CHST7: variants seen among roughly 807,000 people sequenced by gnomAD.
The protein encoded by CHST7 is N-acetylglucosamine 6-O-sulfotransferase 4.
CHST7 carries 5 observed loss-of-function variants against 9.0 expected under a neutral mutation model. That is an observed-to-expected ratio of 0.56 (90% CI 0.29 to 1.17). The LOEUF (loss-of-function observed/expected upper bound fraction) is 1.17, where lower values mean the gene tolerates loss of function less well. Among genes scored for constraint, CHST7 ranks in the 50% most tolerant of loss-of-function variants. CHST7 has a pLI of 0.08. For missense variants in CHST7, 377 were observed against 485.1 expected (o/e 0.78, Z 2.09); for synonymous variants, 244 against 237.1 (o/e 1.03, Z -0.27).
At chrX:46,584,529 C>T (rs1297184682) in intron 1 of CHST7, among the ~76,000 whole-genome samples, 4 of 50,729 alleles carry the variant, frequency 7.9e-5, no homozygotes, top group African/African-American at 5.4e-4. Context: ...AACAGTGAAA[C>T]TGTCTCAAAA....
chrX:46,580,249 G>A (rs1187505915), intron 1 of CHST7, among the ~76,000 whole-genome samples: 1 of 110,165 alleles, frequency 9.1e-6, no homozygotes, highest in African/African-American at 3.3e-5. Flanking sequence ...TAGTAAAGAC[G>A]GGGTTTCACC....
At chrX:46,592,578 G>T (rs1942577881) in intron 1 of CHST7, among the ~76,000 whole-genome samples, 1 of 111,758 alleles carries the variant, frequency 8.9e-6, no homozygotes, top group Non-Finnish European at 1.9e-5. Context: ...GGCCAGGCTG[G>T]TCTCGAACTC....
At chrX:46,590,701 G>C (rs910531554) in intron 1 of CHST7, among the ~76,000 whole-genome samples, 1 of 111,631 alleles carries the variant, frequency 9.0e-6, no homozygotes, top group East Asian at 2.8e-4. Context: ...CAGTTTTTAC[G>C]TGTACTCATT....
chrX:46,582,135 A>G (rs939773295), intron 1 of CHST7, among the ~76,000 whole-genome samples: 9 of 111,456 alleles, frequency 8.1e-5, no homozygotes, highest in African/African-American at 2.9e-4. Flanking sequence ...ATTGTATTTC[A>G]TGGTAGGAAT....
chrX:46,576,558 A>G (rs751252863), intron 1 of CHST7, among the ~76,000 whole-genome samples: 16 of 111,478 alleles, frequency 1.4e-4, no homozygotes, highest in African/African-American at 5.2e-4. Flanking sequence ...TTTGTTCTGC[A>G]CAGTGCTGAC....
intron 1 of CHST7, among the ~76,000 whole-genome samples, chrX:46,595,229 T>C (rs1942588442): frequency 8.8e-6 from 1 of 113,070 alleles, no homozygotes; most frequent in Non-Finnish European, 1.9e-5. Context: ...ATCTGTGTCA[T>C]CTCAGTGTTG....
chrX:46,574,010 C>T lies in CHST7; in HGVS notation c.79C>T (p.Leu27Phe). The stretch of plus-strand genomic sequence containing the variant: ...GGTGCTGTACACGCTGGTGCTGTTG[C>T]TCGTCCCCTCCGTATTGGACGGCGG... Reference protein sequence around the residue: ...LLVLYTLVLLLVPSVLDGGRD... With the variant: ...LLVLYTLVLLFVPSVLDGGRD... Residue 27 changes from leucine to phenylalanine, a missense_variant, in exon 1 of 2, where the codon CTC becomes TTC. This residue lies in a region of CHST7 where 239 missense variants were observed against 325.7 expected (regional missense o/e 0.73). Transcript: ENST00000276055. 8.6e-7 allele frequency: 1 copy of T among 1,160,520 alleles called. No homozygotes were observed.
At position 46,574,870 on chromosome X, in the gene CHST7, T is replaced by C. The variant is rs891937239; in HGVS notation, c.939T>C (p.Arg313=). The C allele has an allele frequency of 2.6e-6, 3 of 1,171,460 alleles. No homozygotes were observed. The Admixed American group carries it at 7.4e-5, about 29-fold the overall frequency. ...RTRQRGDRFH[R]VLLAHGVGAR... ...GCCAGAGGGGCGACCGCTTCCACCG[T>C]GTGCTGCTGGCGCACGGCGTGGGTG... The change falls in exon 1 of 2, where the codon CGT becomes CGC. Residue 313 remains arginine (R), a synonymous_variant. Coordinates refer to ENST00000276055, the MANE Select transcript of CHST7 (RefSeq NM_019886.4).
chrX:46,590,378 A>G (rs1442217743), intron 1 of CHST7, among the ~76,000 whole-genome samples: 1 of 110,139 alleles, frequency 9.1e-6, no homozygotes, highest in African/African-American at 3.3e-5. Flanking sequence ...GGAATTCAAG[A>G]CCAGCCTAGG....
chrX:46,598,260 C>A lies in CHST7; in HGVS notation c.*532C>A, dbSNP rs957546879. 8.9e-6 allele frequency: 1 copy of A among 112,344 alleles called. No individual in the cohort carries two copies. The highest frequency in any genetic ancestry group is 3.2e-5 in the African/African-American group (1 of 30,883). 9.3% of individuals were successfully genotyped at this position (112,344 alleles called of 1,213,427 possible). A position where few individuals can be genotyped will look rare whatever the true frequency, so the allele number is the denominator to read the frequency against. On this transcript the variant is annotated 3_prime_UTR_variant, in exon 2 of 2. Transcript: ENST00000276055. ...TTCAAATAGCTCCGTCTCCCTCTAC[C>A]CAGAACTGATTTTTAAAAAGAAGTA... is the stretch of plus-strand genomic sequence containing the variant.
At chrX:46,585,199 C>A (rs1942542763) in intron 1 of CHST7, among the ~76,000 whole-genome samples, 1 of 110,729 alleles carries the variant, frequency 9.0e-6, no homozygotes, top group Admixed American at 9.6e-5. Flanking sequence ...TTTTCAGGGT[C>A]TGCACATAAC....
chrX:46,589,423 A>ATG (rs1942563689), intron 1 of CHST7, among the ~76,000 whole-genome samples: 1 of 109,941 alleles, frequency 9.1e-6, no homozygotes, highest in Non-Finnish European at 1.9e-5. Context: ...GGTGGCAGGC[A>ATG]CCTGTAATCC....
chrX:46,590,022 G>T (rs983548235), intron 1 of CHST7, among the ~76,000 whole-genome samples: 4 of 111,828 alleles, frequency 3.6e-5, no homozygotes, highest in African/African-American at 1.3e-4. Context: ...AGCCTTTTGG[G>T]TAGATACAAA....
intron 1 of CHST7, among the ~76,000 whole-genome samples, chrX:46,582,811 G>T (rs1037161565): frequency 1.8e-5 from 2 of 111,145 alleles, no homozygotes; most frequent in African/African-American, 6.5e-5. Flanking sequence ...GGGGAAATTA[G>T]GCTGATTTTA....
At chrX:46,583,690 G>T (rs188999630) in intron 1 of CHST7, among the ~76,000 whole-genome samples, 6 of 112,430 alleles carry the variant, frequency 5.3e-5, no homozygotes, top group Non-Finnish European at 9.4e-5. Flanking sequence ...CGGTATTGGG[G>T]TGCCCATCAC....
Position 46,575,145 on chromosome X carries a change from C to T in CHST7, c.1214C>T (p.Ala405Val). 9.1e-7 allele frequency: 1 copy of T among 1,097,921 alleles called. No individual in the cohort carries two copies. 90.5% of individuals were successfully genotyped at this position (1,097,921 alleles called of 1,213,427 possible). A position where few individuals can be genotyped will look rare whatever the true frequency, so the allele number is the denominator to read the frequency against. ...GCGCTCGCAGCGCTCGATGCCTTCG[C>T]GCTCAACATGACTCGCGGCGCGGCC... ...LRALAALDAF[A>V]LNMTRGAAYG... is the part of the protein sequence containing the mutation. Residue 405 changes from alanine to valine, a missense_variant, in exon 1 of 2, where the codon GCG (alanine) becomes GTG (valine). By Grantham distance (64) the Ala-to-Val change is moderately conservative. Transcript: ENST00000276055.
At chrX:46,582,727 G>A (rs1569491600) in intron 1 of CHST7, among the ~76,000 whole-genome samples, 3 of 111,788 alleles carry the variant, frequency 2.7e-5, no homozygotes, top group Admixed American at 9.5e-5. Flanking sequence ...TTGTTCAGGC[G>A]GCCTTCTTCT....
chrX:46,576,197 C>T (rs186733373), intron 1 of CHST7, among the ~76,000 whole-genome samples: 20 of 105,318 alleles, frequency 1.9e-4, no homozygotes, highest in African/African-American at 6.6e-4. Flanking sequence ...TCCCCCTTCC[C>T]CTCCTCCTCT....
Position 46,574,670 on chromosome X carries a change from G to A in CHST7, c.739G>A (p.Val247Met), listed in dbSNP as rs765069576. Reference protein sequence around the residue: ...LEAECRKYPVVVIKDVRLLDL... With the variant: ...LEAECRKYPVMVIKDVRLLDL... ...GGCCGAGTGCCGAAAGTACCCGGTGGTGGTCATCAAGGACGTGCGCCTGCT... is the reference window on the plus strand; with the variant it reads ...GGCCGAGTGCCGAAAGTACCCGGTGATGGTCATCAAGGACGTGCGCCTGCT... Residue 247 changes from valine (V) to methionine (M), a missense_variant, in exon 1 of 2, where the codon GTG becomes ATG. Physicochemically the swap from Val to Met is conservative, Grantham distance 21. Around this residue, in one of 3 missense-constraint regions of CHST7, gnomAD observed 239 missense variants for 325.7 expected, o/e 0.73. Coordinates refer to ENST00000276055, the MANE Select transcript of CHST7 (RefSeq NM_019886.4). 8.3e-7 allele frequency: 1 copy of A among 1,209,673 alleles called. No individual in the cohort carries two copies. Among genetic ancestry groups the A allele is most frequent in the South Asian group, 1.8e-5 (1 of 56,449 alleles).
Sources: allele counts gnomAD v4.1 joint callset (sites outside exome capture counted in the v4.1 genomes callset), GRCh38; gene constraint gnomAD v4.1.1; regional missense constraint gnomAD v4.1.1; transcripts MANE v1.5; gene names NCBI Gene and HGNC (gene_info 2026-07-23, HGNC 2026-07-21).